The following PCDHGB4 variants were observed in gnomAD, a reference collection of about 807,000 sequenced individuals.
The protein encoded by PCDHGB4 is protocadherin gamma subfamily B, 4.
PCDHGB4 carries 38 observed loss-of-function variants against 60.5 expected under a neutral mutation model. The ratio of observed to expected loss-of-function variants is 0.63; its 90% CI spans 0.48 to 0.82. The LOEUF is 0.82. Among genes scored for constraint, PCDHGB4 ranks in the 40% least tolerant of loss-of-function variants. The pLI is 0.00. For synonymous variants in PCDHGB4, 456 were observed against 509.7 expected, an observed-to-expected ratio of 0.89 and a Z score of 1.42; for missense variants, 1,109 against 1,209.6, an observed-to-expected ratio of 0.92 and a Z score of 1.23.
rs760095389 is a variant in PCDHGB4, at chr5:141,486,731, A to G, written c.2398-8076A>G. On this transcript the variant is annotated intron_variant, in intron 1 of 3. Transcript: ENST00000519479. The surrounding 1 kb of genome is among the most constrained non-coding windows in gnomAD (Gnocchi z 5.0). ...CCCCCAGACAGGAGCTGTTCATGCT[A>G]CTCGATCCTTTGACTATGAGCAAAC... The G allele has an allele frequency of 6.2e-7, 1 of 1,614,060 alleles. No individual in the cohort carries two copies. Among genetic ancestry groups the G allele is most frequent in the Non-Finnish European group, 8.5e-7 (1 of 1,180,012 alleles).
At chr5:141,399,645 A>C (rs762123604) in intron 1 of PCDHGB4, 8 of 1,613,676 alleles carry the variant, frequency 5.0e-6, no homozygotes, top group Admixed American at 1.7e-5. Flanking sequence ...TGAGCGCGCA[A>C]AGTGGGGTGG....
At chr5:141,422,345 A>G in intron 1 of PCDHGB4, 1 of 1,551,648 alleles carries the variant, frequency 6.4e-7, no homozygotes, top group South Asian at 1.3e-5. Context: ...CTAAATGTGC[A>G]AGATCAAGAT....
At chr5:141,415,445 A>G (rs1225407576) in intron 1 of PCDHGB4, 7 of 1,614,202 alleles carry the variant, frequency 4.3e-6, no homozygotes, top group South Asian at 1.1e-5. Flanking sequence ...CTGCAGACCT[A>G]TTCCCACGAG....
At chr5:141,440,982 A>G (rs940098060) in intron 1 of PCDHGB4, 4 of 152,234 alleles carry the variant, frequency 2.6e-5, no homozygotes, top group Non-Finnish European at 5.9e-5. Context: ...TTCACAACCC[A>G]GAGTACCCAT....
Position 141,491,176 on chromosome 5 carries a change from G to A in PCDHGB4, c.2398-3631G>A. The A allele has an allele frequency of 1.2e-6, 2 of 1,614,210 alleles. No homozygotes were observed. The highest frequency in any genetic ancestry group is 8.5e-7 in the Non-Finnish European group (1 of 1,180,024). On this transcript the variant is annotated intron_variant, in intron 1 of 3. Transcript: ENST00000519479. The surrounding 1 kb of genome is among the most constrained non-coding windows in gnomAD (Gnocchi z 6.9). ...TGACTCTGACACCCAGCAGGTGGTG[G>A]TCCTGGTGAGGGACAATGGTGACCC...
chr5:141,409,177 T>A (rs1272833119), intron 1 of PCDHGB4: 1 of 1,613,944 alleles, frequency 6.2e-7, no homozygotes, highest in Non-Finnish European at 8.5e-7. Context: ...AGGACGGAGG[T>A]GGTCTCTCTA....
At chr5:141,415,454 A>G (rs899212436) in intron 1 of PCDHGB4, 2 of 1,614,162 alleles carry the variant, frequency 1.2e-6, no homozygotes, top group Non-Finnish European at 8.5e-7. Flanking sequence ...TATTCCCACG[A>G]GGTCTCTCTC....
intron 3 of PCDHGB4, among the ~76,000 whole-genome samples, chr5:141,508,984 C>G (rs1039260828): frequency 4.7e-4 from 72 of 152,154 alleles, no homozygotes; most frequent in African/African-American, 1.7e-3. Context: ...GGGTGGGGGC[C>G]AGCTGGGGTA....
chr5:141,431,607 A>G lies in PCDHGB4; in HGVS notation c.2397+41326A>G. ...GCGGAAGTGAGGTATTCCTTCCGGT[A>G]TGTGGACGACAAGGCGGCCCAAGTT... is the stretch of plus-strand genomic sequence containing the variant. On this transcript the variant is annotated intron_variant, in intron 1 of 3. Transcript: ENST00000519479. The surrounding 1 kb of genome is among the most constrained non-coding windows in gnomAD (Gnocchi z 4.8). 6.2e-7 allele frequency: 1 copy of G among 1,614,230 alleles called. No individual in the cohort carries two copies. Among genetic ancestry groups the G allele is most frequent in the Non-Finnish European group, 8.5e-7 (1 of 1,180,040 alleles).
intron 1 of PCDHGB4, chr5:141,398,283 G>A (rs1470207042): frequency 7.2e-7 from 1 of 1,396,846 alleles, no homozygotes; most frequent in East Asian, 2.5e-5. Context: ...ACCTCGCCAC[G>A]GACCTGGGGT....
chr5:141,415,443 C>T, intron 1 of PCDHGB4: 1 of 1,614,196 alleles, frequency 6.2e-7, no homozygotes, highest in Non-Finnish European at 8.5e-7. Context: ...TCCTGCAGAC[C>T]TATTCCCACG....
At chr5:141,441,554 G>T (rs3805698) in intron 1 of PCDHGB4, 21,236 of 192,824 alleles carry the variant, frequency 0.11, 1,386 homozygotes, top group African/African-American at 0.18. Flanking sequence ...TCCATAGTGT[G>T]CAAGTAGACA....
intron 1 of PCDHGB4, chr5:141,411,426 A>T (rs115154023): frequency 6.6e-6 from 1 of 151,648 alleles, no homozygotes; most frequent in Non-Finnish European, 1.5e-5. Flanking sequence ...ACAACAACAA[A>T]AAAAAACATT....
At chr5:141,469,372 C>G (rs780872014) in intron 1 of PCDHGB4, among the ~76,000 whole-genome samples, 5 of 151,990 alleles carry the variant, frequency 3.3e-5, no homozygotes, top group Non-Finnish European at 5.9e-5. Flanking sequence ...GTAAAGAGAT[C>G]GAGACCATCC....
At chr5:141,501,313 ACAC>A (rs2099807743) in intron 2 of PCDHGB4, among the ~76,000 whole-genome samples, 1 of 151,686 alleles carries the variant, frequency 6.6e-6, no homozygotes, top group Non-Finnish European at 1.5e-5. Context: ...ACACACACAC[ACAC>A]ACACACACAC....
chr5:141,413,197 T>C (rs1429088178), intron 1 of PCDHGB4: 1 of 1,611,552 alleles, frequency 6.2e-7, no homozygotes, highest in Non-Finnish European at 8.5e-7. Flanking sequence ...AAGGAATCGC[T>C]CAAAGGAATC....
At chr5:141,399,590 T>C (rs1369616193) in intron 1 of PCDHGB4, 5 of 1,613,854 alleles carry the variant, frequency 3.1e-6, no homozygotes, top group Admixed American at 3.3e-5. Flanking sequence ...TACTCTATCA[T>C]GGCCAGCGAC....
At position 141,485,336 on chromosome 5, in the gene PCDHGB4, G is replaced by A. The variant is rs755039880; in HGVS notation, c.2398-9471G>A. Reference sequence around the variant, plus strand: ...GAATGTCGCTCAAGATTTCCTGCTGGATACGGACAGTCTGTCAGCTCGCAG... The same window carrying A: ...GAATGTCGCTCAAGATTTCCTGCTGAATACGGACAGTCTGTCAGCTCGCAG... On this transcript the variant is annotated intron_variant, in intron 1 of 3. Transcript: ENST00000519479. The surrounding 1 kb of genome is among the most constrained non-coding windows in gnomAD (Gnocchi z 5.7). 3 of 1,614,176 alleles carry A rather than the reference G, an allele frequency of 1.9e-6. No homozygotes were observed. In the South Asian group the frequency reaches 3.3e-5, roughly 18 times the overall value.
At position 141,494,788 on chromosome 5, in the gene PCDHGB4, C is replaced by T. The variant is rs2099756942; in HGVS notation, c.2398-19C>T. The T allele has an allele frequency of 6.2e-7, 1 of 1,614,116 alleles. No homozygotes were observed. The highest frequency in any genetic ancestry group is 8.5e-7 in the Non-Finnish European group (1 of 1,180,000). On this transcript the variant is annotated intron_variant, in intron 1 of 3. Transcript: ENST00000519479. ...CTTCTCACGGGTACTCAGCCCCTTTCCCTCTGTTTTCTCCACAGCAAGCCC... is the reference window on the plus strand; with the variant it reads ...CTTCTCACGGGTACTCAGCCCCTTTTCCTCTGTTTTCTCCACAGCAAGCCC...
Sources: allele counts gnomAD v4.1 joint callset (sites outside exome capture counted in the v4.1 genomes callset), GRCh38; gene constraint gnomAD v4.1.1; non-coding constraint Gnocchi (gnomAD v3.1); transcripts MANE v1.5; gene names NCBI Gene and HGNC (gene_info 2026-07-23, HGNC 2026-07-21).